GPR158: variants seen among roughly 807,000 people sequenced by gnomAD.
GPR158 encodes the protein G protein-coupled receptor 158.
GPR158 carries 30 observed loss-of-function variants against 78.2 expected under a neutral mutation model. The ratio of observed to expected loss-of-function variants is 0.38; its 90% CI spans 0.29 to 0.52. The LOEUF (loss-of-function observed/expected upper bound fraction) is 0.52, where lower values mean the gene tolerates loss of function less well. Ranked by LOEUF, GPR158 falls within the 20% of genes least tolerant of loss-of-function variation. The pLI is 0.83. For synonymous variants in GPR158, 581 were observed against 591.1 expected, an observed-to-expected ratio of 0.98 and a Z score of 0.25; for missense variants, 1,463 against 1,523.5, an observed-to-expected ratio of 0.96 and a Z score of 0.66.
intron 2 of GPR158, among the ~76,000 whole-genome samples, chr10:25,339,022 T>C (rs1376190144): frequency 7.8e-6 from 1 of 127,890 alleles, no homozygotes; most frequent in East Asian, 2.9e-4. Context: ...CTTTCTTTCT[T>C]TTTTTTTTTT....
At chr10:25,435,425 G>T (rs1834985679) in intron 4 of GPR158, among the ~76,000 whole-genome samples, 1 of 152,116 alleles carries the variant, frequency 6.6e-6, no homozygotes, top group Non-Finnish European at 1.5e-5. Context: ...ACCAGGAGGT[G>T]GGGATGGGGG....
chr10:25,469,508 G>A (rs978947460), intron 5 of GPR158, among the ~76,000 whole-genome samples: 3 of 152,038 alleles, frequency 2.0e-5, no homozygotes, highest in East Asian at 1.9e-4. Flanking sequence ...AGAATCGGCC[G>A]GGCCTGGTGG....
chr10:25,325,784 G>A (rs992722895), intron 2 of GPR158, among the ~76,000 whole-genome samples: 2 of 151,846 alleles, frequency 1.3e-5, no homozygotes, highest in Non-Finnish European at 2.9e-5. Context: ...GTTATCTTTT[G>A]TCTTTTTGAT....
chr10:25,190,594 G>C (rs1373129806), intron 1 of GPR158, among the ~76,000 whole-genome samples: 1 of 152,142 alleles, frequency 6.6e-6, no homozygotes, highest in African/African-American at 2.4e-5. Flanking sequence ...GCCTCCCAAA[G>C]TGTTGGGATT....
At chr10:25,322,640 T>C (rs1236810473) in intron 2 of GPR158, among the ~76,000 whole-genome samples, 2 of 152,222 alleles carry the variant, frequency 1.3e-5, no homozygotes, top group Admixed American at 1.3e-4. Context: ...AATCATTATC[T>C]ATGGCAGCTA....
chr10:25,424,972 G>A (rs1181371417), intron 4 of GPR158, among the ~76,000 whole-genome samples: 1 of 152,124 alleles, frequency 6.6e-6, no homozygotes, highest in Non-Finnish European at 1.5e-5. Context: ...ATTTACCTTG[G>A]GCAGTATGGC....
chr10:25,541,930 A>T (rs1836592103), intron 5 of GPR158, among the ~76,000 whole-genome samples: 1 of 147,712 alleles, frequency 6.8e-6, no homozygotes, highest in Non-Finnish European at 1.5e-5. Flanking sequence ...TATATTATAT[A>T]TTATATTTTA....
chr10:25,474,720 A>G (rs1402316286), intron 5 of GPR158, among the ~76,000 whole-genome samples: 2 of 152,118 alleles, frequency 1.3e-5, no homozygotes, highest in African/African-American at 4.8e-5. Context: ...AGTGCCTGTC[A>G]CCGTAGTAGA....
At chr10:25,368,284 A>AT (rs542628428) in intron 2 of GPR158, among the ~76,000 whole-genome samples, 37 of 151,032 alleles carry the variant, frequency 2.4e-4, no homozygotes, top group Admixed American at 8.6e-4. Context: ...GTAAGACAGT[A>AT]TTTTTTTTTA....
chr10:25,340,261 G>A (rs558534998), intron 2 of GPR158, among the ~76,000 whole-genome samples: 31 of 152,092 alleles, frequency 2.0e-4, no homozygotes, highest in African/African-American at 7.5e-4. Flanking sequence ...AGATCTTTGA[G>A]TTAGTTTCAG....
At chr10:25,263,968 A>G (rs1258680988) in intron 2 of GPR158, among the ~76,000 whole-genome samples, 2 of 152,178 alleles carry the variant, frequency 1.3e-5, no homozygotes, top group Admixed American at 1.3e-4. Context: ...CTTTTGGTTA[A>G]TGCCATCTTT....
Position 25,176,101 on chromosome 10 carries a change from G to A in GPR158, c.681G>A (p.Arg227=), listed in dbSNP as rs765588988. 1 of 1,584,898 alleles carries A rather than the reference G, an allele frequency of 6.3e-7. No homozygotes were observed. Among genetic ancestry groups the A allele is most frequent in the Admixed American group, 1.8e-5 (1 of 54,948 alleles). The change falls in exon 1 of 11, where the codon CGG becomes CGA. Residue 227 remains arginine, a synonymous_variant. Transcript: ENST00000376351. This position sits in a 1 kb window ranked among gnomAD's most constrained non-coding sequence, Gnocchi z 6.3. ...TLETEWFHGL[R]RKWRPHLHRR... ...AGACCGAGTGGTTCCACGGCCTCCG[G>A]CGCAAGTGGAGGCCCCACTTACACC...
chr10:25,508,586 A>T (rs1347946900), intron 5 of GPR158, among the ~76,000 whole-genome samples: 2 of 152,134 alleles, frequency 1.3e-5, no homozygotes, highest in Admixed American at 6.5e-5. Flanking sequence ...GTAGCTGTTT[A>T]TCAGGAAAGA....
chr10:25,292,518 T>C (rs779485594), intron 2 of GPR158, among the ~76,000 whole-genome samples: 1 of 152,108 alleles, frequency 6.6e-6, no homozygotes, highest in East Asian at 1.9e-4. Context: ...TCCAGCACTC[T>C]CTTTTTATCA....
intron 3 of GPR158, among the ~76,000 whole-genome samples, chr10:25,406,743 C>T (rs1055392790): frequency 3.9e-5 from 6 of 152,078 alleles, no homozygotes; most frequent in Admixed American, 3.9e-4. Flanking sequence ...AGCTGGTTTT[C>T]ATTTTCTTTC....
In GPR158 at chr10:25,176,038, GTCC is replaced by G. The variant is rs758651300; in HGVS notation, c.625_627del (p.Ser209del). The G allele has an allele frequency of 3.7e-6, 6 of 1,610,194 alleles. No individual in the cohort carries two copies. In the African/African-American group the frequency reaches 6.7e-5, roughly 18 times the overall value. ...AGAGCCGCATCCTGCTCCAAGACCT[GTCC>G]TCCTCCGCACCCCACCTGGCCAACG... On this transcript the variant is annotated inframe_deletion, in exon 1 of 11. Coordinates refer to ENST00000376351, the MANE Select transcript of GPR158 (RefSeq NM_020752.3). This position sits in a 1 kb window ranked among gnomAD's most constrained non-coding sequence, Gnocchi z 6.3.
At chr10:25,365,659 A>G (rs1400315460) in intron 2 of GPR158, among the ~76,000 whole-genome samples, 3 of 151,730 alleles carry the variant, frequency 2.0e-5, no homozygotes, top group Admixed American at 2.0e-4. Flanking sequence ...AAGTCATAAT[A>G]AAAAATACAA....
intron 5 of GPR158, among the ~76,000 whole-genome samples, chr10:25,506,966 C>T (rs1836021341): frequency 6.6e-6 from 1 of 152,134 alleles, no homozygotes; most frequent in African/African-American, 2.4e-5. Context: ...TGACACATAC[C>T]ACTAGGCTAT....
intron 2 of GPR158, chr10:25,244,123 C>G (rs966724118): frequency 3.9e-5 from 6 of 152,034 alleles, no homozygotes; most frequent in African/African-American, 1.4e-4. Context: ...ATAGGCATCT[C>G]ATTATTTAAT....
Sources: gnomAD v4.1 joint callset for allele counts (sites outside exome capture counted in the v4.1 genomes callset) on GRCh38, gnomAD v4.1.1 for gene constraint, Gnocchi (gnomAD v3.1) non-coding constraint, MANE v1.5 for transcripts, NCBI Gene and HGNC (gene_info 2026-07-23, HGNC 2026-07-21) for gene names.